The following TENM3 variants were observed in gnomAD, a reference collection of about 807,000 sequenced individuals.
The protein encoded by TENM3 is teneurin transmembrane protein 3.
Under a neutral mutation model 255.1 loss-of-function variants are expected in TENM3, and 63 were observed. The ratio of observed to expected loss-of-function variants is 0.25; its 90% CI spans 0.20 to 0.30. The LOEUF is 0.30. Ranked by LOEUF, TENM3 falls within the 10% of genes least tolerant of loss-of-function variation. TENM3 has a pLI of 1.00. For synonymous variants in TENM3, 1,306 were observed against 1,322.3 expected (o/e 0.99, Z 0.27); for missense variants, 2,929 against 3,461.1 (o/e 0.85, Z 3.86).
chr4:182,198,441 G>A (rs1753965330), intron 1 of TENM3, among the ~76,000 whole-genome samples: 1 of 152,220 alleles, frequency 6.6e-6, no homozygotes, highest in Non-Finnish European at 1.5e-5. Context: ...TGCCTCAGTC[G>A]GTTGTCAGAG....
intron 3 of TENM3, among the ~76,000 whole-genome samples, chr4:182,510,064 A>T (rs1318644187): frequency 6.6e-6 from 1 of 152,180 alleles, no homozygotes; most frequent in South Asian, 2.1e-4. Flanking sequence ...GTCAGTTAAG[A>T]TCTTAGTTGT....
intron 1 of TENM3, among the ~76,000 whole-genome samples, chr4:182,251,111 C>A (rs1757985883): frequency 6.6e-6 from 1 of 152,138 alleles, no homozygotes; most frequent in African/African-American, 2.4e-5. Flanking sequence ...TAAAGGACTG[C>A]ATTTTGAGGT....
At chr4:181,832,755 T>C in the TENM3 span, among the ~76,000 whole-genome samples, 20 of 152,328 alleles carry the variant, frequency 1.3e-4, no homozygotes, top group East Asian at 3.9e-3. Context: ...TTAAATCAAT[T>C]GAACCGCCTT....
At chr4:182,547,199 A>G (rs1247700920) in intron 3 of TENM3, among the ~76,000 whole-genome samples, 1 of 152,068 alleles carries the variant, frequency 6.6e-6, no homozygotes, top group Non-Finnish European at 1.5e-5. Context: ...ACGTCTCCCA[A>G]CTTAGTACAA....
intron 23 of TENM3, 23 bp from the exon 24 acceptor site, chr4:182,774,895 G>A (rs1313186694): frequency 2.6e-6 from 4 of 1,545,360 alleles, no homozygotes; most frequent in East Asian, 2.3e-5. Flanking sequence ...AATAGTTCAT[G>A]TTTTGTGCTT....
chr4:181,500,066 T>C, the TENM3 span, among the ~76,000 whole-genome samples: 3 of 152,166 alleles, frequency 2.0e-5, no homozygotes, highest in African/African-American at 7.2e-5. Flanking sequence ...TTCACTCTTG[T>C]TGCCCAGGCT....
intron 3 of TENM3, among the ~76,000 whole-genome samples, chr4:182,574,633 G>A (rs920218988): frequency 3.3e-5 from 5 of 152,082 alleles, no homozygotes; most frequent in African/African-American, 1.2e-4. Flanking sequence ...AAGTGACAGA[G>A]CTTTCATTTT....
At chr4:182,399,502 T>A (rs1357577722) in intron 3 of TENM3, among the ~76,000 whole-genome samples, 2 of 152,212 alleles carry the variant, frequency 1.3e-5, no homozygotes, top group Non-Finnish European at 2.9e-5. Flanking sequence ...TATTTCTGCG[T>A]GTGAAAATTA....
chr4:182,248,615 C>A (rs567552931), intron 1 of TENM3, among the ~76,000 whole-genome samples: 2 of 152,108 alleles, frequency 1.3e-5, no homozygotes, highest in Non-Finnish European at 2.9e-5. Context: ...ATGGAACTGG[C>A]GGAGATTCAG....
chr4:181,801,242 GT>G, the TENM3 span, among the ~76,000 whole-genome samples: 1 of 146,798 alleles, frequency 6.8e-6, no homozygotes. Flanking sequence ...TCTGTTTTTT[GT>G]TTGTTTGCTT....
chr4:182,235,988 T>C (rs917407533), intron 1 of TENM3, among the ~76,000 whole-genome samples: 1 of 152,208 alleles, frequency 6.6e-6, no homozygotes, highest in Non-Finnish European at 1.5e-5. Flanking sequence ...AAAGGTTTGA[T>C]ACAGGCAAGT....
intron 3 of TENM3, among the ~76,000 whole-genome samples, chr4:182,387,119 C>G (rs1451514434): frequency 6.6e-6 from 1 of 152,198 alleles, no homozygotes; most frequent in Non-Finnish European, 1.5e-5. Flanking sequence ...CACCAACCGA[C>G]ACCCTGTATC....
chr4:182,520,256 G>A (rs1738431860), intron 3 of TENM3, among the ~76,000 whole-genome samples: 2 of 152,094 alleles, frequency 1.3e-5, no homozygotes, highest in South Asian at 2.1e-4. Context: ...TACAAGACCA[G>A]TATAAAAAAA....
intron 3 of TENM3, among the ~76,000 whole-genome samples, chr4:182,509,834 G>A (rs1357316836): frequency 6.6e-6 from 1 of 151,850 alleles, no homozygotes; most frequent in Non-Finnish European, 1.5e-5. Flanking sequence ...CTACTTGGGA[G>A]GCTGAGGCAA....
chr4:182,201,669 G>T lies in TENM3; in HGVS notation c.-76+56915G>T, dbSNP rs912444796. ...GGGTCTGAAGTTATTCCCATGGCAG[G>T]GTGGGGGGTCTGGAAAGGCAAGCAG... is the stretch of plus-strand genomic sequence containing the variant. On this transcript the variant is annotated intron_variant, in intron 1 of 2. Coordinates refer to the TENM3 transcript ENST00000512480. Among the ~76,000 whole-genome samples the T allele has an allele frequency of 5.9e-5, 9 of 152,194 alleles. No homozygotes were observed. The South Asian group carries it at 1.2e-3, about 21-fold the overall frequency.
Position 182,397,387 on chromosome 4 carries a change from G to A in TENM3, c.511+50458G>A, listed in dbSNP as rs1223523030. Among the ~76,000 whole-genome samples the A allele has an allele frequency of 3.9e-5, 4 of 102,948 alleles. No individual in the cohort carries two copies. In the East Asian group the frequency reaches 9.7e-4, roughly 25 times the overall value. The allele number at this position is 102,948 out of a possible 152,430, so 67.5% of individuals were successfully genotyped here. ...CTGCACTGCAGCCTGGTGACAGAGC[G>A]AGACTCCATCTAAAAAAAAAAAAAA... On this transcript the variant is annotated intron_variant, in intron 3 of 27. Coordinates refer to ENST00000511685, the MANE Select transcript of TENM3 (RefSeq NM_001080477.4).
At chr4:182,453,560 G>T (rs1031619) in intron 3 of TENM3, among the ~76,000 whole-genome samples, 1 of 152,062 alleles carries the variant, frequency 6.6e-6, no homozygotes, top group East Asian at 1.9e-4. Flanking sequence ...ACTAATATGG[G>T]ACTAACATAA....
chr4:182,514,362 C>T (rs1215542880), intron 3 of TENM3, among the ~76,000 whole-genome samples: 1 of 152,068 alleles, frequency 6.6e-6, no homozygotes, highest in Non-Finnish European at 1.5e-5. Context: ...ACAGTATTAA[C>T]TGTGAGAAAA....
chr4:182,734,883 T>C (rs986700155), intron 16 of TENM3, among the ~76,000 whole-genome samples: 2 of 152,158 alleles, frequency 1.3e-5, no homozygotes, highest in Non-Finnish European at 2.9e-5. Context: ...GAAATACATA[T>C]AATATTCGTA....
Sources: allele counts gnomAD v4.1 joint callset (sites outside exome capture counted in the v4.1 genomes callset), GRCh38; gene constraint gnomAD v4.1.1; transcripts MANE v1.5; gene names NCBI Gene and HGNC (gene_info 2026-07-23, HGNC 2026-07-21).